Variants in NALCN observed in about 807,000 individuals in gnomAD.
NALCN encodes sodium leak channel NALCN.
A neutral mutation model predicts 225.3 loss-of-function variants in NALCN; 111 were observed. The ratio of observed to expected loss-of-function variants is 0.49; its 90% CI spans 0.42 to 0.58. The LOEUF is 0.58. Ranked by LOEUF, NALCN falls within the 20% of genes least tolerant of loss-of-function variation. NALCN has a pLI of 0.00. For missense variants in NALCN, 1,378 were observed against 2,202.4 expected, an observed-to-expected ratio of 0.63 and a Z score of 7.49; for synonymous variants, 764 against 769.0, an observed-to-expected ratio of 0.99 and a Z score of 0.11.
intron 6 of NALCN, among the ~76,000 whole-genome samples, chr13:101,362,322 T>C (rs2046273398): frequency 1.3e-5 from 2 of 152,094 alleles, no homozygotes; most frequent in African/African-American, 4.8e-5. Context: ...CAGAAGTTTC[T>C]CAAATGGTAA....
At chr13:101,381,451 G>A (rs2046846329) in intron 3 of NALCN, among the ~76,000 whole-genome samples, 1 of 152,018 alleles carries the variant, frequency 6.6e-6, no homozygotes, top group Admixed American at 6.6e-5. Flanking sequence ...CTCGTATATT[G>A]CACAGTTGAA....
At chr13:101,257,371 T>C (rs1056751375) in intron 11 of NALCN, among the ~76,000 whole-genome samples, 6 of 152,184 alleles carry the variant, frequency 3.9e-5, no homozygotes, top group African/African-American at 9.7e-5. Flanking sequence ...AAGCGACTAC[T>C]TAAAAGTTTC....
intron 40 of NALCN, among the ~76,000 whole-genome samples, chr13:101,064,559 TACACACAC>T (rs57799563): frequency 6.7e-6 from 1 of 148,188 alleles, no homozygotes; most frequent in African/African-American, 2.5e-5. Flanking sequence ...TGAACATAGA[TACACACAC>T]ACACACACAC....
At chr13:101,127,523 A>G (rs1045302374) in intron 17 of NALCN, among the ~76,000 whole-genome samples, 3 of 151,942 alleles carry the variant, frequency 2.0e-5, no homozygotes, top group Admixed American at 1.3e-4. Context: ...CACACCGGCT[A>G]ATTTTTGTAT....
At chr13:101,069,670 A>T (rs2032704765) in intron 37 of NALCN, among the ~76,000 whole-genome samples, 2 of 152,218 alleles carry the variant, frequency 1.3e-5, no homozygotes, top group African/African-American at 4.8e-5. Context: ...CCCACAATAG[A>T]ACTTCTTTCG....
chr13:101,144,293 C>T (rs1366346945), intron 16 of NALCN, among the ~76,000 whole-genome samples: 1 of 152,174 alleles, frequency 6.6e-6, no homozygotes, highest in Non-Finnish European at 1.5e-5. Context: ...TATATGGTAA[C>T]CTGACATGGT....
chr13:101,297,973 T>C (rs978942863), intron 7 of NALCN, among the ~76,000 whole-genome samples: 2 of 152,208 alleles, frequency 1.3e-5, no homozygotes, highest in African/African-American at 4.8e-5. Flanking sequence ...AATCTCAGTT[T>C]GAGCATCCCC....
At chr13:101,123,878 C>T (rs1327843398) in intron 18 of NALCN, among the ~76,000 whole-genome samples, 2 of 152,184 alleles carry the variant, frequency 1.3e-5, no homozygotes, top group African/African-American at 4.8e-5. Flanking sequence ...AACTCCTTAT[C>T]ACTCACCGCA....
intron 15 of NALCN, among the ~76,000 whole-genome samples, chr13:101,153,591 G>A (rs11842806): frequency 0.3 from 45,016 of 151,940 alleles, 6,970 homozygotes; most frequent in Non-Finnish European, 0.33. Flanking sequence ...CCATTATATC[G>A]CTTCCCACCC....
chr13:101,086,259 T>C (rs529993194), intron 30 of NALCN, among the ~76,000 whole-genome samples: 1 of 152,148 alleles, frequency 6.6e-6, no homozygotes, highest in South Asian at 2.1e-4. Context: ...ATTTATTGAT[T>C]TGGATATTTG....
At chr13:101,335,554 T>A (rs1224392963) in intron 7 of NALCN, among the ~76,000 whole-genome samples, 1 of 152,140 alleles carries the variant, frequency 6.6e-6, no homozygotes, top group Non-Finnish European at 1.5e-5. Flanking sequence ...GGAATTTTTA[T>A]CAGAGCAAAC....
At chr13:101,160,149 T>A (rs2038103915) in intron 15 of NALCN, among the ~76,000 whole-genome samples, 1 of 151,978 alleles carries the variant, frequency 6.6e-6, no homozygotes, top group East Asian at 1.9e-4. Flanking sequence ...AGAGACAGGG[T>A]TTCACCATGT....
chr13:101,226,376 C>A (rs575055603), intron 13 of NALCN, among the ~76,000 whole-genome samples: 1 of 152,320 alleles, frequency 6.6e-6, no homozygotes, highest in Non-Finnish European at 1.5e-5. Context: ...AGAGAGAATG[C>A]TCCTGAGCAA....
chr13:101,150,750 G>T (rs746852467), intron 15 of NALCN, among the ~76,000 whole-genome samples: 2 of 133,040 alleles, frequency 1.5e-5, no homozygotes, highest in African/African-American at 2.8e-5. Context: ...TATATTATAA[G>T]AAGTGGTTAT....
At chr13:101,375,117 T>TA (rs890401239) in intron 6 of NALCN, among the ~76,000 whole-genome samples, 1 of 152,186 alleles carries the variant, frequency 6.6e-6, no homozygotes, top group Non-Finnish European at 1.5e-5. Context: ...TCCTTTTTTT[T>TA]AACCATGTTA....
intron 14 of NALCN, among the ~76,000 whole-genome samples, chr13:101,191,687 T>C (rs1339976126): frequency 2.0e-5 from 3 of 152,228 alleles, no homozygotes; most frequent in African/African-American, 7.2e-5. Flanking sequence ...TCTGTCTTGT[T>C]TTCCCTCTTA....
At chr13:101,388,803 C>G (rs1480161568) in intron 3 of NALCN, among the ~76,000 whole-genome samples, 1 of 152,070 alleles carries the variant, frequency 6.6e-6, no homozygotes, top group Admixed American at 6.5e-5. Context: ...CAAATGGAAC[C>G]CTTAAGAAGT....
intron 7 of NALCN, among the ~76,000 whole-genome samples, chr13:101,329,964 G>A (rs962652290): frequency 1.8e-4 from 27 of 151,626 alleles, no homozygotes; most frequent in African/African-American, 5.3e-4. Context: ...GCTTGAACCC[G>A]GGAGGAGGAG....
chr13:101,194,201 T>C (rs910138206), intron 13 of NALCN, among the ~76,000 whole-genome samples: 1 of 152,126 alleles, frequency 6.6e-6, no homozygotes, highest in African/African-American at 2.4e-5. Context: ...ATAAGCGATG[T>C]GGGCAAGAGC....
Sources: gnomAD v4.1 joint callset for allele counts (sites outside exome capture counted in the v4.1 genomes callset) on GRCh38, gnomAD v4.1.1 for gene constraint, MANE v1.5 for transcripts, NCBI Gene and HGNC (gene_info 2026-07-23, HGNC 2026-07-21) for gene names.